Variants in EHBP1 observed in about 807,000 individuals in gnomAD.
EHBP1 encodes the protein EH domain-binding protein 1.
EHBP1 carries 55 observed loss-of-function variants against 144.0 expected under a neutral mutation model. That is an observed-to-expected ratio of 0.38 (90% CI 0.31 to 0.48). The LOEUF is 0.48. Ranked by LOEUF, EHBP1 falls within the 20% of genes least tolerant of loss-of-function variation. The probability of loss-of-function intolerance (pLI) is 0.98; values close to 1 mark genes in which losing one functional copy is unlikely to be tolerated. For synonymous variants in EHBP1, 469 were observed against 472.7 expected (o/e 0.99, Z 0.10); for missense variants, 1,200 against 1,364.2 (o/e 0.88, Z 1.90).
At chr2:62,706,262 A>C (rs1482572737) in intron 1 of EHBP1, 1 of 152,648 alleles carries the variant, frequency 6.6e-6, no homozygotes, top group Non-Finnish European at 1.5e-5. Context: ...CGCACCCTGC[A>C]CAGTCCACTT....
intron 1 of EHBP1, among the ~76,000 whole-genome samples, chr2:62,682,168 T>C (rs1392766854): frequency 1.3e-5 from 2 of 152,226 alleles, no homozygotes; most frequent in Non-Finnish European, 2.9e-5. Context: ...CATGCCTACA[T>C]TGTCAGGGAA....
chr2:62,739,884 T>TATG (rs1479331925), intron 2 of EHBP1, among the ~76,000 whole-genome samples: 4 of 149,508 alleles, frequency 2.7e-5, no homozygotes, highest in Non-Finnish European at 5.9e-5. Context: ...TGCAGTGGGC[T>TATG]ATGATCACTC....
intron 6 of EHBP1, among the ~76,000 whole-genome samples, chr2:62,830,133 C>CATAT (rs145432325): frequency 1.8e-4 from 24 of 132,186 alleles, no homozygotes; most frequent in South Asian, 1.8e-3. Context: ...ATATGTGGTG[C>CATAT]ATATATATAT....
At chr2:62,835,134 C>A (rs889142629) in intron 7 of EHBP1, among the ~76,000 whole-genome samples, 8 of 151,946 alleles carry the variant, frequency 5.3e-5, no homozygotes, top group Non-Finnish European at 2.9e-5. Context: ...ATTTTCTTGG[C>A]ATATTTGTCA....
chr2:62,751,874 TTTC>T (rs1487344362), intron 3 of EHBP1, among the ~76,000 whole-genome samples: 1 of 152,172 alleles, frequency 6.6e-6, no homozygotes, highest in Non-Finnish European at 1.5e-5. Flanking sequence ...TCTTCTCTCT[TTTC>T]TTCTTTATTA....
chr2:62,936,157 A>G (rs2056371562), intron 10 of EHBP1, among the ~76,000 whole-genome samples: 1 of 152,134 alleles, frequency 6.6e-6, no homozygotes, highest in Non-Finnish European at 1.5e-5. Context: ...CCAGTTTTCT[A>G]TAATTTGTGT....
chr2:62,739,388 C>G (rs1365937574), intron 2 of EHBP1, among the ~76,000 whole-genome samples: 1 of 139,426 alleles, frequency 7.2e-6, no homozygotes, highest in African/African-American at 2.6e-5. Flanking sequence ...TTGATAGATT[C>G]TTTTTTTTTT....
intron 2 of EHBP1, among the ~76,000 whole-genome samples, chr2:62,746,664 G>A (rs563981495): frequency 6.6e-5 from 10 of 152,022 alleles, no homozygotes; most frequent in Non-Finnish European, 8.8e-5. Flanking sequence ...GGTTTTAGTC[G>A]TTAAAAGGAA....
chr2:62,840,815 G>C (rs1318945471), intron 7 of EHBP1, among the ~76,000 whole-genome samples: 2 of 151,782 alleles, frequency 1.3e-5, no homozygotes, highest in African/African-American at 2.4e-5. Flanking sequence ...AGTTAGAATG[G>C]CAATCATTAA....
chr2:63,037,736 C>G (rs755814519), intron 20 of EHBP1, 102 bp downstream of exon 20: 5 of 661,634 alleles, frequency 7.6e-6, no homozygotes, highest in Non-Finnish European at 1.3e-5. Flanking sequence ...GGTATTTTCC[C>G]TTTCCTTAGC....
chr2:62,974,434 T>C (rs1397438350), intron 14 of EHBP1, among the ~76,000 whole-genome samples: 2 of 152,160 alleles, frequency 1.3e-5, no homozygotes, highest in East Asian at 3.8e-4. Flanking sequence ...AATAAAAATA[T>C]CAAATTTTGA....
chr2:62,988,102 T>C, intron 15 of EHBP1: 3 of 889,724 alleles, frequency 3.4e-6, no homozygotes, highest in Non-Finnish European at 5.5e-6. Flanking sequence ...TATATTTTTA[T>C]TATCTCATCA....
chr2:62,768,294 G>A (rs1329222182), intron 4 of EHBP1, among the ~76,000 whole-genome samples: 1 of 152,150 alleles, frequency 6.6e-6, no homozygotes, highest in Non-Finnish European at 1.5e-5. Context: ...AGAAAAGAGA[G>A]AAGAGCCAAA....
chr2:62,716,704 A>G (rs1381079882), intron 2 of EHBP1, among the ~76,000 whole-genome samples: 3 of 152,206 alleles, frequency 2.0e-5, no homozygotes, highest in Admixed American at 6.5e-5. Context: ...TTCAGCAGCC[A>G]TCTTTATTCC....
intron 19 of EHBP1, among the ~76,000 whole-genome samples, chr2:63,027,627 A>G (rs2061037387): frequency 6.6e-6 from 1 of 152,166 alleles, no homozygotes. Flanking sequence ...GCAAGTGGGG[A>G]AGCATAATTC....
chr2:62,889,975 T>C (rs928935104), intron 10 of EHBP1, among the ~76,000 whole-genome samples: 1 of 150,072 alleles, frequency 6.7e-6, no homozygotes, highest in Non-Finnish European at 1.5e-5. Flanking sequence ...TTTTTTTTTT[T>C]TTTTGAGATG....
intron 12 of EHBP1, among the ~76,000 whole-genome samples, chr2:62,945,439 C>T (rs1014954141): frequency 6.6e-6 from 1 of 152,144 alleles, no homozygotes; most frequent in Non-Finnish European, 1.5e-5. Flanking sequence ...GATACAAAGT[C>T]TTGGGACCTT....
chr2:62,957,316 T>G (rs2057752352), intron 14 of EHBP1, among the ~76,000 whole-genome samples: 1 of 152,314 alleles, frequency 6.6e-6, no homozygotes, highest in Admixed American at 6.5e-5. Context: ...GAATCACATT[T>G]CTTAGCCTCT....
intron 3 of EHBP1, 94 bp from the exon 4 acceptor site, chr2:62,764,172 G>A (rs1199352070): frequency 3.7e-5 from 32 of 873,432 alleles, no homozygotes; most frequent in African/African-American, 1.9e-4. Context: ...TGCATTTCCT[G>A]TACTTCATAT....
Sources: allele counts gnomAD v4.1 joint callset (sites outside exome capture counted in the v4.1 genomes callset), GRCh38; gene constraint gnomAD v4.1.1; transcripts MANE v1.5; gene names NCBI Gene and HGNC (gene_info 2026-07-23, HGNC 2026-07-21).